NSD2: variants seen among roughly 807,000 people sequenced by gnomAD.
NSD2 encodes histone-lysine N-methyltransferase NSD2.
Under a neutral mutation model 139.0 loss-of-function variants are expected in NSD2, and 12 were observed. That is an observed-to-expected ratio of 0.09 (90% CI 0.06 to 0.14). NSD2 has a LOEUF of 0.14. NSD2 is among the 10% of genes least tolerant of loss of function. The pLI is 1.00. For synonymous variants in NSD2, 669 were observed against 648.7 expected (o/e 1.03, Z -0.48); for missense variants, 1,155 against 1,745.0 (o/e 0.66, Z 6.02).
chr4:1,915,541 C>T (rs1035838493), intron 3 of NSD2, among the ~76,000 whole-genome samples: 2 of 152,158 alleles, frequency 1.3e-5, no homozygotes, highest in Non-Finnish European at 2.9e-5. Context: ...GTCTGTGGCC[C>T]TGCAGAGGGC....
chr4:1,895,319 A>T (rs150095706), intron 1 of NSD2, among the ~76,000 whole-genome samples: 226 of 152,278 alleles, frequency 1.5e-3, no homozygotes, highest in Non-Finnish European at 2.7e-3. Context: ...TCAATGTTAT[A>T]ATCCCAACAC....
At chr4:1,944,268 G>A in intron 9 of NSD2, 8 of 1,066,280 alleles carry the variant, frequency 7.5e-6, no homozygotes, top group Non-Finnish European at 9.1e-6. Flanking sequence ...GTTTCCTGAA[G>A]GAGGTGGGTG....
chr4:1,949,225 G>C lies in NSD2; in HGVS notation c.1882-1847G>C, dbSNP rs371191973. Among the ~76,000 whole-genome samples the C allele has an allele frequency of 3.3e-5, 5 of 152,348 alleles. No individual in the cohort carries two copies. The South Asian group carries it at 8.3e-4, about 25-fold the overall frequency. ...GTGGGTGTTAAAGAACAGGATGTGC[G>C]CTGTGGCTCTTGCAGGGCCCTCCTG... On this transcript the variant is annotated intron_variant, in intron 9 of 21. Transcript: ENST00000508803.
chr4:1,913,640 CCT>C (rs1257956580), intron 3 of NSD2, among the ~76,000 whole-genome samples: 2 of 152,200 alleles, frequency 1.3e-5, no homozygotes, highest in African/African-American at 2.4e-5. Context: ...GGAAGGGCCC[CCT>C]GTCTGGTGGA....
chr4:1,942,410 A>G lies in NSD2; in HGVS notation c.1881+2632A>G, dbSNP rs1723192377. On this transcript the variant is annotated intron_variant, in intron 9 of 21. Coordinates refer to ENST00000508803, the MANE Select transcript of NSD2 (RefSeq NM_001042424.3). The surrounding 1 kb of genome is among the most constrained non-coding windows in gnomAD (Gnocchi z 4.0). ...CTCTGTACTGCACTTAGAATGATGTAATATTCCAGGATGCTGCTGCAGGTG... is the reference window on the plus strand; with the variant it reads ...CTCTGTACTGCACTTAGAATGATGTGATATTCCAGGATGCTGCTGCAGGTG... 1 of 1,608,636 alleles carries G rather than the reference A, an allele frequency of 6.2e-7. No individual in the cohort carries two copies. The highest frequency in any genetic ancestry group is 1.7e-5 in the Admixed American group (1 of 58,288).
At chr4:1,926,697 C>T (rs948891895) in intron 5 of NSD2, among the ~76,000 whole-genome samples, 2 of 152,126 alleles carry the variant, frequency 1.3e-5, no homozygotes, top group Non-Finnish European at 2.9e-5. Flanking sequence ...TCTCAAACAC[C>T]TGACCTCAGG....
Position 1,978,831 on chromosome 4 carries a change from GCCC to G in NSD2, c.4026_4028del (p.Pro1343del). The G allele has an allele frequency of 6.2e-7, 1 of 1,601,614 alleles. No homozygotes were observed. The highest frequency in any genetic ancestry group is 8.5e-7 in the Non-Finnish European group (1 of 1,171,646). On this transcript the variant is annotated inframe_deletion, in exon 22 of 22. Transcript: ENST00000508803. ...CGGTCAGAAGCACCAAGACTGAGAA[GCCC>G]CCCCCAGAGCCAGGGAAGCCGAAGG... is the stretch of plus-strand genomic sequence containing the variant.
At chr4:1,905,148 G>A in intron 3 of NSD2, among the ~76,000 whole-genome samples, 1 of 152,050 alleles carries the variant, frequency 6.6e-6, no homozygotes, top group East Asian at 1.9e-4. Flanking sequence ...AAAAAAGAAT[G>A]TTATATGTCC....
chr4:1,978,198 G>A (rs1031107139), intron 21 of NSD2, among the ~76,000 whole-genome samples: 1 of 152,200 alleles, frequency 6.6e-6, no homozygotes, highest in East Asian at 1.9e-4. Context: ...ATAGAGAAAA[G>A]TGTTGGCCAT....
Position 1,953,357 on chromosome 4 carries a change from A to G in NSD2, c.2171A>G (p.Lys724Arg). The change falls in exon 12 of 22, where the codon AAG (lysine) becomes AGG (arginine). Residue 724 changes from lysine to arginine, a missense_variant. Physicochemically the swap from Lys to Arg is conservative, Grantham distance 26. Transcript: ENST00000508803. ...TCATGTTTCGTGTGTAAAGAGAGCAAGACAGATGTTAAGCGCTGTGTGGTA... is the reference window on the plus strand; with the variant it reads ...TCATGTTTCGTGTGTAAAGAGAGCAGGACAGATGTTAAGCGCTGTGTGGTA... ...IHSCFVCKES[K>R]TDVKRCVVTQ... 3 of 1,614,250 alleles carry G rather than the reference A, an allele frequency of 1.9e-6. No homozygotes were observed. Among genetic ancestry groups the G allele is most frequent in the Non-Finnish European group, 2.5e-6 (3 of 1,180,036 alleles).
intron 17 of NSD2, among the ~76,000 whole-genome samples, chr4:1,960,415 G>A (rs758408338): frequency 2.6e-5 from 4 of 152,154 alleles, no homozygotes; most frequent in Non-Finnish European, 4.4e-5. Context: ...GGACCAAGTC[G>A]TTGGTAGACA....
At chr4:1,915,177 G>A (rs1218008347) in intron 3 of NSD2, among the ~76,000 whole-genome samples, 19 of 142,570 alleles carry the variant, frequency 1.3e-4, no homozygotes, top group African/African-American at 3.4e-4. Context: ...GTGCAGTGGC[G>A]CAGTCTCGGC....
chr4:1,949,556 T>C (rs184107326), intron 9 of NSD2, among the ~76,000 whole-genome samples: 1 of 151,018 alleles, frequency 6.6e-6, no homozygotes, highest in East Asian at 2.0e-4. Context: ...AGGTCAGGAG[T>C]TCAAGACCAG....
chr4:1,927,882 G>C (rs570210134), intron 5 of NSD2, among the ~76,000 whole-genome samples: 1 of 151,524 alleles, frequency 6.6e-6, no homozygotes, highest in Admixed American at 6.6e-5. Flanking sequence ...ATGTTTTTTT[G>C]GTATGTTTTA....
chr4:1,904,475 T>G (rs1717623524), intron 3 of NSD2, 97 bp downstream of exon 3: 1 of 1,351,312 alleles, frequency 7.4e-7, no homozygotes, highest in Non-Finnish European at 1.0e-6. Flanking sequence ...ATAGCCCTGC[T>G]ATGGTTCATT....
At chr4:1,879,740 G>T (rs1714564153) in intron 1 of NSD2, among the ~76,000 whole-genome samples, 1 of 151,560 alleles carries the variant, frequency 6.6e-6, no homozygotes, top group Admixed American at 6.6e-5. Context: ...TGCTGTGGTG[G>T]TTTTATGGCT....
intron 7 of NSD2, among the ~76,000 whole-genome samples, chr4:1,938,186 C>T (rs1035252236): frequency 5.3e-5 from 8 of 152,152 alleles, no homozygotes; most frequent in South Asian, 2.1e-4. Flanking sequence ...CTGACAGATG[C>T]GAGAGCGGGA....
intron 3 of NSD2, among the ~76,000 whole-genome samples, chr4:1,908,222 A>G (rs1310383173): frequency 2.6e-5 from 4 of 152,246 alleles, no homozygotes; most frequent in Non-Finnish European, 5.9e-5. Context: ...TCTCATGATC[A>G]GACCTAGGTC....
At chr4:1,940,521 G>A in intron 9 of NSD2, 2 of 1,064,694 alleles carry the variant, frequency 1.9e-6, no homozygotes, top group Non-Finnish European at 2.3e-6. Flanking sequence ...TTTGTTCGGA[G>A]GTAGTTTTGG....
Sources: allele counts gnomAD v4.1 joint callset (sites outside exome capture counted in the v4.1 genomes callset), GRCh38; gene constraint gnomAD v4.1.1; non-coding constraint Gnocchi (gnomAD v3.1); transcripts MANE v1.5; gene names NCBI Gene and HGNC (gene_info 2026-07-23, HGNC 2026-07-21).